TMEM68: variants seen among roughly 807,000 people sequenced by gnomAD.
TMEM68 encodes DGAT1/2-independent enzyme synthesizing storage lipids.
In TMEM68, 25 loss-of-function variants were observed where a neutral mutation model predicts 36.9. The observed-to-expected ratio is 0.68, with a 90% confidence interval of 0.49 to 0.95. The LOEUF (loss-of-function observed/expected upper bound fraction) is 0.95, where lower values mean the gene tolerates loss of function less well. Ranked by LOEUF, TMEM68 falls within the 40% of genes least tolerant of loss-of-function variation. The pLI is 0.00. For missense variants in TMEM68, 333 were observed against 392.0 expected, an observed-to-expected ratio of 0.85 and a Z score of 1.27; for synonymous variants, 131 against 124.4, an observed-to-expected ratio of 1.05 and a Z score of -0.35.
chr8:55,757,687 C>A (rs1231301435), intron 3 of TMEM68, among the ~76,000 whole-genome samples: 1 of 152,146 alleles, frequency 6.6e-6, no homozygotes, highest in Admixed American at 6.5e-5. Context: ...TCCACCCTCA[C>A]CAGCCCAGTG....
At chr8:55,742,560 G>T (rs969419364) in intron 7 of TMEM68, among the ~76,000 whole-genome samples, 1 of 151,866 alleles carries the variant, frequency 6.6e-6, no homozygotes, top group Non-Finnish European at 1.5e-5. Flanking sequence ...TTTTTTGAGA[G>T]ACAGTGTCTC....
chr8:55,749,151 T>G (rs1810364610), intron 5 of TMEM68, among the ~76,000 whole-genome samples: 2 of 152,246 alleles, frequency 1.3e-5, no homozygotes, highest in South Asian at 4.1e-4. Flanking sequence ...ACTAGTTATC[T>G]CCTCAACTTA....
In TMEM68 at chr8:55,773,273, G is replaced by A. The variant is rs75329189; in HGVS notation, c.-119C>T. ...GCAGGGGCAGCTCTCCTTTACCCTA[G>A]AGCGGCGACAGAAGCTCTTCGGGGG... is the stretch of plus-strand genomic sequence containing the variant. On this transcript the variant is annotated 5_prime_UTR_variant, in exon 1 of 8. Coordinates refer to ENST00000434581, the MANE Select transcript of TMEM68 (RefSeq NM_001286657.2). 74 of 180,328 alleles carry A rather than the reference G, an allele frequency of 4.1e-4. No homozygotes were observed. Among genetic ancestry groups the A allele is most frequent in the African/African-American group, 1.7e-3 (71 of 42,514 alleles). 11.2% of individuals were successfully genotyped at this position (180,328 alleles called of 1,614,324 possible).
At chr8:55,769,426 T>C (rs1018827657) in intron 1 of TMEM68, among the ~76,000 whole-genome samples, 1 of 151,662 alleles carries the variant, frequency 6.6e-6, no homozygotes, top group Non-Finnish European at 1.5e-5. Flanking sequence ...GAGGAGATAA[T>C]TGTTAGAGCT....
chr8:55,768,059 A>G (rs1490260142), intron 1 of TMEM68, among the ~76,000 whole-genome samples: 1 of 152,132 alleles, frequency 6.6e-6, no homozygotes, highest in East Asian at 1.9e-4. Flanking sequence ...GAGCTTCAAG[A>G]AGGAAGGCAT....
At chr8:55,770,589 G>A (rs1188557583) in intron 1 of TMEM68, among the ~76,000 whole-genome samples, 1 of 152,012 alleles carries the variant, frequency 6.6e-6, no homozygotes, top group Admixed American at 6.6e-5. Context: ...CAGGAGGACT[G>A]CTTGAGCCCG....
intron 7 of TMEM68, among the ~76,000 whole-genome samples, chr8:55,742,170 T>C (rs543074554): frequency 2.3e-4 from 35 of 152,308 alleles, no homozygotes; most frequent in African/African-American, 8.4e-4. Flanking sequence ...CCGTATGATT[T>C]CACTCATATG....
At position 55,754,708 on chromosome 8, in the gene TMEM68, A is replaced by ATATATATATTATATATAAAATACATACT. The variant is rs1563432217; in HGVS notation, c.493+1508_493+1535dup. ...TATATTATATATGAAATACATACTTATATATATATTATATATAAAATACAT... is the reference window on the plus strand; with the variant it reads ...TATATTATATATGAAATACATACTTATATATATATTATATATAAAATACATACTTATATATATTATATATAAAATACAT... On this transcript the variant is annotated intron_variant, in intron 4 of 7. Transcript: ENST00000434581. Among the ~76,000 whole-genome samples the ATATATATATTATATATAAAATACATACT allele has an allele frequency of 1.0e-3, 128 of 125,672 alleles. 1 individual carries two copies. Among genetic ancestry groups the ATATATATATTATATATAAAATACATACT allele is most frequent in the Admixed American group, 2.1e-3 (23 of 10,804 alleles). 82.4% of individuals were successfully genotyped at this position (125,672 alleles called of 152,430 possible).
At position 55,756,407 on chromosome 8, in the gene TMEM68, A is replaced by G. The variant is rs1810610900; in HGVS notation, c.330T>C (p.Tyr110=). Residue 110 remains tyrosine (Y), a synonymous_variant, in exon 4 of 8, where the codon TAT becomes TAC. Coordinates refer to ENST00000434581, the MANE Select transcript of TMEM68 (RefSeq NM_001286657.2). ...WDGHAAVWHG[Y]EVHGMEKIPE... ...GTATTTTTTCCATTCCATGAACTTC[A>G]TAACCTGTTTGAATGACAAAATGCA... The G allele has an allele frequency of 1.3e-6, 2 of 1,567,544 alleles. No individual in the cohort carries two copies. Among genetic ancestry groups the G allele is most frequent in the East Asian group, 4.6e-5 (2 of 43,230 alleles).
intron 3 of TMEM68, among the ~76,000 whole-genome samples, chr8:55,757,020 G>A (rs1473788010): frequency 1.3e-5 from 2 of 152,050 alleles, no homozygotes; most frequent in Non-Finnish European, 2.9e-5. Context: ...TACACACAGG[G>A]GGACTGATCA....
At chr8:55,766,005 G>T (rs1173286719) in intron 1 of TMEM68, among the ~76,000 whole-genome samples, 1 of 152,150 alleles carries the variant, frequency 6.6e-6, no homozygotes, top group Non-Finnish European at 1.5e-5. Flanking sequence ...TCCTAGAGGG[G>T]GAAGATAGAC....
intron 3 of TMEM68, among the ~76,000 whole-genome samples, chr8:55,756,898 G>A: frequency 6.6e-6 from 1 of 152,084 alleles, no homozygotes; most frequent in East Asian, 1.9e-4. Flanking sequence ...CTGGTGTAGG[G>A]CATCACAGCC....
In TMEM68 at chr8:55,756,232, G is replaced by A. The variant is rs780913055; in HGVS notation, c.493+12C>T. The A allele has an allele frequency of 1.9e-6, 3 of 1,595,254 alleles. No homozygotes were observed. Among genetic ancestry groups the A allele is most frequent in the South Asian group, 2.3e-5 (2 of 86,312 alleles). On this transcript the variant is annotated intron_variant, in intron 4 of 7. Transcript: ENST00000434581. ...AAACATTTTTACATTACTATCTACA[G>A]TGAAAGTTTACCTGGAATTTTAAAG...
intron 4 of TMEM68, among the ~76,000 whole-genome samples, chr8:55,755,443 T>C (rs1206368620): frequency 6.6e-6 from 1 of 152,016 alleles, no homozygotes; most frequent in East Asian, 1.9e-4. Flanking sequence ...GACTACTTTT[T>C]GTATTTTTAG....
At chr8:55,752,784 G>A (rs1810460218) in intron 4 of TMEM68, among the ~76,000 whole-genome samples, 2 of 149,326 alleles carry the variant, frequency 1.3e-5, no homozygotes, top group South Asian at 4.2e-4. Context: ...GAATGCAGGG[G>A]CACAATAGTA....
chr8:55,756,470 A>T (rs1217891026), intron 3 of TMEM68, 59 bp from the exon 4 acceptor site: 41 of 1,451,864 alleles, frequency 2.8e-5, no homozygotes, highest in Non-Finnish European at 3.7e-5. Flanking sequence ...TTTACAGTAA[A>T]GGATGGTTGG....
rs80138447 is a variant in TMEM68 at position 55,756,124 on chromosome 8, A to G, written c.493+120T>C. The G allele has an allele frequency of 3.6e-3, 2,559 of 701,634 alleles. 55 individuals are homozygous for G. In the African/African-American group the frequency reaches 0.044, roughly 12 times the overall value. The allele number at this position is 701,634 out of a possible 1,614,324, so 43.5% of individuals were successfully genotyped here. Reference sequence around the variant, plus strand: ...TATTAGAGTTCCAAGAGTGTTATACACACCCTAAAAGGCAAAAAGCTTTTT... The same window carrying G: ...TATTAGAGTTCCAAGAGTGTTATACGCACCCTAAAAGGCAAAAAGCTTTTT... On this transcript the variant is annotated intron_variant, in intron 4 of 7. Coordinates refer to ENST00000434581, the MANE Select transcript of TMEM68 (RefSeq NM_001286657.2).
intron 3 of TMEM68, among the ~76,000 whole-genome samples, chr8:55,759,995 A>G (rs1678188433): frequency 1.3e-5 from 2 of 152,210 alleles, no homozygotes; most frequent in African/African-American, 4.8e-5. Flanking sequence ...AAATGACAGG[A>G]TGAAAGGTGG....
chr8:55,741,031 C>G (rs1011015892), intron 7 of TMEM68, among the ~76,000 whole-genome samples: 2 of 152,006 alleles, frequency 1.3e-5, no homozygotes, highest in Non-Finnish European at 2.9e-5. Flanking sequence ...ATCAAGAGTT[C>G]GAGAGCAGCC....
Sources: allele counts gnomAD v4.1 joint callset (sites outside exome capture counted in the v4.1 genomes callset), GRCh38; gene constraint gnomAD v4.1.1; transcripts MANE v1.5; gene names NCBI Gene and HGNC (gene_info 2026-07-23, HGNC 2026-07-21).